AFG2A: variants seen among roughly 807,000 people sequenced by gnomAD.
AFG2A encodes AAA ATPase AFG2A, also known as ATPase family gene 2 protein homolog A.
the AFG2A span, among the ~76,000 whole-genome samples, chr4:123,142,223 A>G: frequency 6.6e-6 from 1 of 152,166 alleles, no homozygotes; most frequent in African/African-American, 2.4e-5. Flanking sequence ...CTTATTACAT[A>G]GAGTTACTCA....
At chr4:123,064,813 A>G in the AFG2A span, among the ~76,000 whole-genome samples, 10 of 152,328 alleles carry the variant, frequency 6.6e-5, no homozygotes, top group African/African-American at 2.4e-4. Context: ...AACTAGGAAC[A>G]TATTCCTGAA....
At chr4:123,274,490 A>G in the AFG2A span, among the ~76,000 whole-genome samples, 1 of 152,014 alleles carries the variant, frequency 6.6e-6, no homozygotes, top group East Asian at 1.9e-4. Context: ...AGACCTAGTT[A>G]CTTCATTTTA....
chr4:123,134,635 T>C, the AFG2A span, among the ~76,000 whole-genome samples: 3 of 146,184 alleles, frequency 2.1e-5, no homozygotes, highest in Non-Finnish European at 3.0e-5. Context: ...AAGAAACTAC[T>C]ATGAACAATT....
chr4:123,293,642 G>A, the AFG2A span, among the ~76,000 whole-genome samples: 1 of 152,168 alleles, frequency 6.6e-6, no homozygotes, highest in Non-Finnish European at 1.5e-5. Flanking sequence ...GCACGAATAT[G>A]GCAGCCGCTA....
the AFG2A span, among the ~76,000 whole-genome samples, chr4:123,060,096 AG>A: frequency 6.6e-6 from 1 of 152,128 alleles, no homozygotes; most frequent in African/African-American, 2.4e-5. Flanking sequence ...GATGCAAGAG[AG>A]GGGTTCCCAT....
the AFG2A span, among the ~76,000 whole-genome samples, chr4:123,300,609 T>G: frequency 6.6e-6 from 1 of 152,180 alleles, no homozygotes; most frequent in Non-Finnish European, 1.5e-5. Context: ...CTGTATGCAT[T>G]TAAATTCACT....
At chr4:123,203,155 C>CT in the AFG2A span, among the ~76,000 whole-genome samples, 281 of 129,230 alleles carry the variant, frequency 2.2e-3, no homozygotes, top group Middle Eastern at 7.4e-3. Context: ...AATAGTTGTA[C>CT]TTTTTTTTTT....
the AFG2A span, among the ~76,000 whole-genome samples, chr4:123,119,554 C>G: frequency 6.6e-6 from 1 of 152,204 alleles, no homozygotes; most frequent in Non-Finnish European, 1.5e-5. Context: ...CCATCTTTTT[C>G]CCTCATTTTG....
chr4:123,257,140 C>T, the AFG2A span, among the ~76,000 whole-genome samples: 1 of 152,168 alleles, frequency 6.6e-6, no homozygotes, highest in Admixed American at 6.5e-5. Context: ...CTCCGAGAGT[C>T]TATTTGGAAC....
the AFG2A span, chr4:123,256,915 C>A: frequency 7.0e-6 from 6 of 860,568 alleles, no homozygotes; most frequent in Non-Finnish European, 8.4e-6. Context: ...AGGAAAGGAC[C>A]AACTATGTAC....
At chr4:123,238,232 G>A in the AFG2A span, among the ~76,000 whole-genome samples, 203 of 152,310 alleles carry the variant, frequency 1.3e-3, 1 homozygote, top group Admixed American at 9.2e-4. Flanking sequence ...TCCATGAACT[G>A]TACCTCTGTA....
chr4:123,035,013 G>A, the AFG2A span, among the ~76,000 whole-genome samples: 6 of 152,142 alleles, frequency 3.9e-5, no homozygotes, highest in Non-Finnish European at 5.9e-5. Flanking sequence ...CATAATGATA[G>A]TGGAAAGTTA....
chr4:123,197,537 A>C, the AFG2A span, among the ~76,000 whole-genome samples: 179 of 152,240 alleles, frequency 1.2e-3, no homozygotes, highest in Non-Finnish European at 2.0e-3. Context: ...TGGGAGGCCG[A>C]GATGGGCAAA....
chr4:122,996,451 T>G, the AFG2A span, among the ~76,000 whole-genome samples: 1 of 152,128 alleles, frequency 6.6e-6, no homozygotes, highest in Non-Finnish European at 1.5e-5. Flanking sequence ...CCTTTACATA[T>G]GTATTAGTCA....
chr4:123,151,909 A>C, the AFG2A span, among the ~76,000 whole-genome samples: 1 of 152,222 alleles, frequency 6.6e-6, no homozygotes, highest in African/African-American at 2.4e-5. Context: ...GAAATAAAGA[A>C]AATGTGGCAC....
chr4:123,121,371 AGTAGT>A, the AFG2A span, among the ~76,000 whole-genome samples: 1 of 152,146 alleles, frequency 6.6e-6, no homozygotes, highest in Non-Finnish European at 1.5e-5. Context: ...TAAAATCTAT[AGTAGT>A]GTACAGTAAT....
At chr4:123,204,523 C>T in the AFG2A span, among the ~76,000 whole-genome samples, 4 of 152,194 alleles carry the variant, frequency 2.6e-5, no homozygotes, top group African/African-American at 9.6e-5. Context: ...AATGTCCGCT[C>T]ATGACTTTTG....
chr4:122,972,497 C>T, the AFG2A span, among the ~76,000 whole-genome samples: 1 of 146,584 alleles, frequency 6.8e-6, no homozygotes, highest in Non-Finnish European at 1.5e-5. Context: ...TTAATTTCTT[C>T]TTTTTCTAAT....
At chr4:123,094,835 C>T in the AFG2A span, among the ~76,000 whole-genome samples, 1 of 151,560 alleles carries the variant, frequency 6.6e-6, no homozygotes, top group Non-Finnish European at 1.5e-5. Context: ...CCAGCTTAAT[C>T]ACACACAAAA....
Sources: gnomAD v4.1 joint callset for allele counts (sites outside exome capture counted in the v4.1 genomes callset) on GRCh38, gnomAD v4.1.1 for gene constraint, MANE v1.5 for transcripts, NCBI Gene and HGNC (gene_info 2026-07-23, HGNC 2026-07-21) for gene names.